MTA3: variants seen among roughly 807,000 people sequenced by gnomAD.
MTA3 encodes the protein metastasis-associated protein MTA3.
Under a neutral mutation model 83.5 loss-of-function variants are expected in MTA3, and 34 were observed. The ratio of observed to expected loss-of-function variants is 0.41; its 90% confidence interval spans 0.31 to 0.54. The LOEUF (loss-of-function observed/expected upper bound fraction) is 0.54, where lower values mean the gene tolerates loss of function less well. MTA3 is among the 20% of genes least tolerant of loss of function. The pLI, the probability that MTA3 is intolerant of heterozygous loss-of-function variation, is 0.33. For synonymous variants in MTA3, 303 were observed against 252.7 expected (o/e 1.20, Z -1.89); for missense variants, 761 against 726.4 (o/e 1.05, Z -0.55).
chr2:42,524,876 A>C (rs1468891270), intron 2 of MTA3, among the ~76,000 whole-genome samples: 5 of 110 alleles, frequency 0.045, no homozygotes, highest in South Asian at 0.33. Context: ...GCCACCTTCC[A>C]GGCCTGAAGG....
chr2:42,583,286 G>A (rs1679873788), intron 3 of MTA3, among the ~76,000 whole-genome samples: 2 of 152,092 alleles, frequency 1.3e-5, no homozygotes, highest in South Asian at 4.1e-4. Context: ...ACTTTCAAAG[G>A]CAACTATATA....
intron 11 of MTA3, among the ~76,000 whole-genome samples, chr2:42,698,881 C>T (rs1309295510): frequency 6.6e-6 from 1 of 152,164 alleles, no homozygotes; most frequent in African/African-American, 2.4e-5. Flanking sequence ...AATAGCCCAT[C>T]TGCAGAGTGG....
intron 3 of MTA3, among the ~76,000 whole-genome samples, chr2:42,585,207 G>T (rs1481428491): frequency 6.6e-6 from 1 of 151,920 alleles, no homozygotes; most frequent in African/African-American, 2.4e-5. Context: ...CCCTGCCTCA[G>T]CCTCCCGAGC....
intron 2 of MTA3, among the ~76,000 whole-genome samples, chr2:42,501,414 A>T (rs904107995): frequency 6.6e-6 from 1 of 152,128 alleles, no homozygotes; most frequent in Non-Finnish European, 1.5e-5. Context: ...GCTCAAAATA[A>T]TCCTTACCTC....
intron 3 of MTA3, among the ~76,000 whole-genome samples, chr2:42,591,054 C>T (rs1164501287): frequency 2.0e-5 from 3 of 152,086 alleles, no homozygotes; most frequent in Admixed American, 1.3e-4. Flanking sequence ...CTGAGAGATG[C>T]GTCATTAGGT....
At chr2:42,680,285 T>G (rs1457928507) in intron 8 of MTA3, 1 of 152,238 alleles carries the variant, frequency 6.6e-6, no homozygotes, top group East Asian at 1.9e-4. Flanking sequence ...GATCTTCGAG[T>G]TAGCAGTGTT....
At chr2:42,513,882 C>G (rs532966149) in intron 2 of MTA3, among the ~76,000 whole-genome samples, 4 of 152,194 alleles carry the variant, frequency 2.6e-5, no homozygotes, top group Admixed American at 1.3e-4. Flanking sequence ...GGCCTCCCTC[C>G]ACTACCTCAA....
chr2:42,518,425 C>G (rs1369525721), intron 2 of MTA3, among the ~76,000 whole-genome samples: 1 of 152,136 alleles, frequency 6.6e-6, no homozygotes, highest in Non-Finnish European at 1.5e-5. Context: ...CACAGAAGAA[C>G]CAACCGAAAG....
intron 3 of MTA3, among the ~76,000 whole-genome samples, chr2:42,608,667 G>A (rs1558494000): frequency 6.6e-6 from 1 of 152,162 alleles, no homozygotes; most frequent in Non-Finnish European, 1.5e-5. Flanking sequence ...CAGATCACTT[G>A]AGCCCAGGAG....
chr2:42,751,919 C>A (rs1040625779), intron 16 of MTA3, among the ~76,000 whole-genome samples: 4 of 152,152 alleles, frequency 2.6e-5, no homozygotes, highest in African/African-American at 9.7e-5. Flanking sequence ...TCTTACTGGG[C>A]TGTTAGCAGA....
chr2:42,580,713 C>T (rs1483056833), intron 3 of MTA3, among the ~76,000 whole-genome samples: 6 of 151,436 alleles, frequency 4.0e-5, no homozygotes, highest in African/African-American at 1.2e-4. Context: ...CTCCTGCCTC[C>T]GCCTCCCGAG....
chr2:42,691,811 T>C (rs181994232), intron 9 of MTA3, among the ~76,000 whole-genome samples: 13 of 152,360 alleles, frequency 8.5e-5, no homozygotes, highest in Non-Finnish European at 1.5e-4. Flanking sequence ...TAAAGGTCTT[T>C]TCCTTCAGCA....
chr2:42,612,819 C>G (rs1321629694), intron 4 of MTA3, among the ~76,000 whole-genome samples: 2 of 152,094 alleles, frequency 1.3e-5, no homozygotes, highest in Admixed American at 1.3e-4. Context: ...CAAGATCGCA[C>G]TACTGTACTC....
chr2:42,715,611 A>C (rs1666975032), intron 14 of MTA3, among the ~76,000 whole-genome samples: 2 of 152,120 alleles, frequency 1.3e-5, no homozygotes, highest in African/African-American at 2.4e-5. Flanking sequence ...TCCCATTCAG[A>C]GGTACTCTGT....
intron 2 of MTA3, among the ~76,000 whole-genome samples, chr2:42,498,889 A>C (rs1251361240): frequency 6.6e-6 from 1 of 152,140 alleles, no homozygotes; most frequent in Non-Finnish European, 1.5e-5. Context: ...ACCCATCAGT[A>C]ACTTGGTTTC....
chr2:42,747,322 CT>C (rs1669517193), intron 16 of MTA3, among the ~76,000 whole-genome samples: 1 of 152,046 alleles, frequency 6.6e-6, no homozygotes, highest in South Asian at 2.1e-4. Context: ...TCTTCTTGAC[CT>C]CTCTGTGCAG....
intron 2 of MTA3, among the ~76,000 whole-genome samples, chr2:42,500,918 C>G (rs1164289619): frequency 6.6e-6 from 1 of 150,924 alleles, no homozygotes; most frequent in Non-Finnish European, 1.5e-5. Flanking sequence ...TCACGCCATT[C>G]TCCTGCCTCA....
At chr2:42,711,394 A>G (rs535544396) in intron 14 of MTA3, among the ~76,000 whole-genome samples, 8 of 152,160 alleles carry the variant, frequency 5.3e-5, no homozygotes, top group Non-Finnish European at 1.0e-4. Context: ...CCTGTATTTT[A>G]TTTCTATAAG....
At chr2:42,720,569 T>C (rs1190424366) in intron 15 of MTA3, among the ~76,000 whole-genome samples, 1 of 152,120 alleles carries the variant, frequency 6.6e-6, no homozygotes, top group Non-Finnish European at 1.5e-5. Flanking sequence ...ACCTACGTAA[T>C]GGTGGTAATG....
Sources: allele counts gnomAD v4.1 joint callset (sites outside exome capture counted in the v4.1 genomes callset), GRCh38; gene constraint gnomAD v4.1.1; transcripts MANE v1.5; gene names NCBI Gene and HGNC (gene_info 2026-07-23, HGNC 2026-07-21).